CTNNA3: variants seen among roughly 807,000 people sequenced by gnomAD.
The protein encoded by CTNNA3 is catenin alpha-3.
A neutral mutation model predicts 95.7 loss-of-function variants in CTNNA3; 76 were observed. That is an observed-to-expected ratio of 0.79 (90% CI 0.66 to 0.96). The LOEUF (loss-of-function observed/expected upper bound fraction) is 0.96. Among genes scored for constraint, CTNNA3 ranks in the 40% least tolerant of loss-of-function variants. The probability of loss-of-function intolerance (pLI) is 0.00; values close to 1 mark genes in which losing one functional copy is unlikely to be tolerated. For synonymous variants in CTNNA3, 431 were observed against 374.4 expected, an observed-to-expected ratio of 1.15 and a Z score of -1.74; for missense variants, 1,191 against 1,089.8, an observed-to-expected ratio of 1.09 and a Z score of -1.31.
intron 5 of CTNNA3, among the ~76,000 whole-genome samples, chr10:67,493,727 G>A (rs1333310146): frequency 6.6e-6 from 1 of 151,970 alleles, no homozygotes; most frequent in South Asian, 2.1e-4. Context: ...GGAAACATTC[G>A]ACTCCCTCGC....
chr10:66,993,668 T>G (rs1352254042), intron 7 of CTNNA3, among the ~76,000 whole-genome samples: 8 of 148,482 alleles, frequency 5.4e-5, no homozygotes, highest in African/African-American at 2.0e-4. Context: ...GTACCTACTA[T>G]GCTCTTGCAC....
At chr10:66,314,217 G>A (rs947798449) in intron 12 of CTNNA3, among the ~76,000 whole-genome samples, 1 of 152,076 alleles carries the variant, frequency 6.6e-6, no homozygotes, top group Non-Finnish European at 1.5e-5. Context: ...ACAGCATTGA[G>A]CACAAGACTA....
intron 1 of CTNNA3, among the ~76,000 whole-genome samples, chr10:67,660,944 A>G (rs1399328659): frequency 4.6e-5 from 7 of 151,848 alleles, no homozygotes; most frequent in South Asian, 2.1e-4. Context: ...AAAAAAAAAA[A>G]AGAGAAATGC....
intron 10 of CTNNA3, among the ~76,000 whole-genome samples, chr10:66,554,033 A>G (rs539109212): frequency 6.6e-6 from 1 of 151,984 alleles, no homozygotes; most frequent in South Asian, 2.1e-4. Context: ...TTTCCCACAC[A>G]GAGTCATTTT....
At position 65,913,447 on chromosome 10, in the gene CTNNA3, T is replaced by A. The variant is rs562195420; in HGVS notation, c.*6883A>T. The A allele has an allele frequency of 6.6e-6, 1 of 152,252 alleles. No homozygotes were observed. The highest frequency in any genetic ancestry group is 1.9e-4 in the East Asian group (1 of 5,176). The allele number at this position is 152,252 out of a possible 1,614,324, so 9.4% of individuals were successfully genotyped here. A position where few individuals can be genotyped will look rare whatever the true frequency, so the allele number is the denominator to read the frequency against. On this transcript the variant is annotated 3_prime_UTR_variant, in exon 18 of 18. Coordinates refer to ENST00000433211, the MANE Select transcript of CTNNA3 (RefSeq NM_013266.4). ...TGGAGGAGAAATTATTATGCTACCA[T>A]TTAGGTCTAAGGAAATTTTCTTTGG...
At chr10:67,210,034 A>G (rs1204709574) in intron 6 of CTNNA3, among the ~76,000 whole-genome samples, 6 of 152,142 alleles carry the variant, frequency 3.9e-5, no homozygotes, top group African/African-American at 1.4e-4. Context: ...CAGGCCAGGC[A>G]CGGTGGCTCA....
At chr10:66,394,816 T>C (rs953445439) in intron 11 of CTNNA3, among the ~76,000 whole-genome samples, 2 of 152,036 alleles carry the variant, frequency 1.3e-5, no homozygotes, top group African/African-American at 4.8e-5. Context: ...ATAAAATCTG[T>C]GCTTTTGGAC....
At chr10:67,309,629 T>G (rs571182047) in intron 5 of CTNNA3, among the ~76,000 whole-genome samples, 10 of 152,166 alleles carry the variant, frequency 6.6e-5, no homozygotes, top group Non-Finnish European at 1.5e-4. Context: ...GAAGTCGTTA[T>G]TATGTTGTTT....
At chr10:67,200,943 C>T (rs75568190) in intron 6 of CTNNA3, among the ~76,000 whole-genome samples, 1 of 152,172 alleles carries the variant, frequency 6.6e-6, no homozygotes, top group East Asian at 1.9e-4. Flanking sequence ...TATGTGTTTC[C>T]TCCTGTTTTT....
chr10:66,033,345 C>T lies in CTNNA3; in HGVS notation c.2159+35963G>A, dbSNP rs568437383. Among the ~76,000 whole-genome samples the T allele has an allele frequency of 6.6e-5, 10 of 152,048 alleles. No homozygotes were observed. The South Asian group carries it at 8.3e-4, about 13-fold the overall frequency. On this transcript the variant is annotated intron_variant, in intron 15 of 17. Transcript: ENST00000433211. ...AGAGACAGGGTTTCACCATGTTAGC[C>T]GGGATGATCTCGATCTCCTGACCTC...
chr10:66,902,295 G>A lies in CTNNA3; in HGVS notation c.1048-126771C>T, dbSNP rs141038897. 3.6e-3 allele frequency among the ~76,000 whole-genome samples: 552 copies of A among 152,240 alleles called. 14 individuals carry two copies. Among genetic ancestry groups the A allele is most frequent in the East Asian group, 0.035 (182 of 5,190 alleles). ...CCTGAATGACTACTGGGTAAATAAC[G>A]AAATGAAGGCAGAAATAAAGATGTT... On this transcript the variant is annotated intron_variant, in intron 7 of 17. Transcript: ENST00000433211.
At chr10:66,380,625 CTATATATATATA>C (rs57630837) in intron 11 of CTNNA3, among the ~76,000 whole-genome samples, 2,756 of 122,872 alleles carry the variant, frequency 0.022, 75 homozygotes, top group African/African-American at 0.079. Context: ...ATCTATCTAT[CTATATATATATA>C]TATATTAAAT....
chr10:66,295,053 T>G (rs555638983), intron 12 of CTNNA3, among the ~76,000 whole-genome samples: 5 of 152,334 alleles, frequency 3.3e-5, no homozygotes, highest in Non-Finnish European at 7.3e-5. Flanking sequence ...TGTTGATAGC[T>G]TCACAGACTT....
At chr10:66,290,023 A>C (rs557965698) in intron 12 of CTNNA3, among the ~76,000 whole-genome samples, 2 of 152,182 alleles carry the variant, frequency 1.3e-5, no homozygotes, top group Non-Finnish European at 1.5e-5. Flanking sequence ...AATTCATTTG[A>C]AAAGAATAAA....
At chr10:67,511,896 A>T (rs941316780) in intron 5 of CTNNA3, among the ~76,000 whole-genome samples, 4 of 152,140 alleles carry the variant, frequency 2.6e-5, no homozygotes, top group African/African-American at 9.7e-5. Context: ...CTATTCAGAG[A>T]TTCAACTTCT....
In CTNNA3 at chr10:66,283,170, A is replaced by G. The variant is rs1222513093; in HGVS notation, c.1733-2549T>C. On this transcript the variant is annotated intron_variant, in intron 12 of 17. Transcript: ENST00000433211. ...GGAGTAGACAGCAAACCAACCGTCA[A>G]AACTACTACTCTAAAGAACAGGACA... Among the ~76,000 whole-genome samples the G allele has an allele frequency of 2.0e-5, 3 of 151,836 alleles. No individual in the cohort carries two copies. In the East Asian group the frequency reaches 5.8e-4, roughly 29 times the overall value.
chr10:67,119,177 T>C (rs559545371), intron 7 of CTNNA3, among the ~76,000 whole-genome samples: 4 of 151,798 alleles, frequency 2.6e-5, no homozygotes, highest in African/African-American at 7.2e-5. Flanking sequence ...GTACTGAGAG[T>C]GAGAATTTTT....
intron 7 of CTNNA3, among the ~76,000 whole-genome samples, chr10:67,136,147 T>C (rs569413596): frequency 6.6e-6 from 1 of 152,262 alleles, no homozygotes; most frequent in South Asian, 2.1e-4. Context: ...TTTGGTTATC[T>C]GTTCATCTGG....
At chr10:66,980,249 A>G (rs1360571498) in intron 7 of CTNNA3, among the ~76,000 whole-genome samples, 3 of 152,168 alleles carry the variant, frequency 2.0e-5, no homozygotes, top group Non-Finnish European at 2.9e-5. Flanking sequence ...TAATTTAGAG[A>G]CCACTGTGTT....
Sources: allele counts gnomAD v4.1 joint callset (sites outside exome capture counted in the v4.1 genomes callset), GRCh38; gene constraint gnomAD v4.1.1; transcripts MANE v1.5; gene names NCBI Gene and HGNC (gene_info 2026-07-23, HGNC 2026-07-21).